Variants in CDH18 observed in about 807,000 individuals in gnomAD.
CDH18 encodes cadherin-18.
A neutral mutation model predicts 67.9 loss-of-function variants in CDH18; 31 were observed. The ratio of observed to expected loss-of-function variants is 0.46; its 90% CI spans 0.34 to 0.62. CDH18 has a LOEUF of 0.62. CDH18 is among the 20% of genes least tolerant of loss of function. CDH18 has a pLI of 0.01. For synonymous variants in CDH18, 362 were observed against 347.2 expected (o/e 1.04, Z -0.48); for missense variants, 890 against 975.5 (o/e 0.91, Z 1.17).
At chr5:19,774,420 A>ATAAAGT (rs1477193577) in intron 3 of CDH18, among the ~76,000 whole-genome samples, 7 of 98,860 alleles carry the variant, frequency 7.1e-5, no homozygotes, top group Non-Finnish European at 2.0e-5. Flanking sequence ...CAAAAATAAA[A>ATAAAGT]TAAAATTAAA....
chr5:20,085,885 G>A (rs1041853567), intron 2 of CDH18, among the ~76,000 whole-genome samples: 1 of 152,172 alleles, frequency 6.6e-6, no homozygotes, highest in African/African-American at 2.4e-5. Context: ...ATACTAATTA[G>A]TAATCCTAAA....
chr5:19,782,823 A>G (rs1401411812), intron 3 of CDH18, among the ~76,000 whole-genome samples: 1 of 152,196 alleles, frequency 6.6e-6, no homozygotes, highest in East Asian at 1.9e-4. Context: ...AAAACTCTGC[A>G]TGGAGAAGAC....
chr5:20,346,711 A>G (rs990834458), intron 1 of CDH18, among the ~76,000 whole-genome samples: 17 of 152,236 alleles, frequency 1.1e-4, no homozygotes, highest in African/African-American at 3.8e-4. Flanking sequence ...CCCATTAAGA[A>G]CGTACCAAAC....
intron 1 of CDH18, chr5:20,304,443 C>T: frequency 6.6e-7 from 1 of 1,506,152 alleles, no homozygotes; most frequent in Admixed American, 1.7e-5. Context: ...TCTTCTTCAT[C>T]TCCACCTTTG....
intron 2 of CDH18, among the ~76,000 whole-genome samples, chr5:20,090,067 C>T (rs935448083): frequency 6.6e-6 from 1 of 151,984 alleles, no homozygotes; most frequent in African/African-American, 2.4e-5. Context: ...GAGGGTATGA[C>T]AATTTCACAT....
At chr5:20,464,423 G>C (rs542341652) in intron 1 of CDH18, among the ~76,000 whole-genome samples, 4 of 151,716 alleles carry the variant, frequency 2.6e-5, no homozygotes, top group African/African-American at 9.7e-5. Flanking sequence ...CTTGGAAATA[G>C]TAAGATTTTG....
chr5:20,317,151 T>A (rs1325496901), intron 1 of CDH18, among the ~76,000 whole-genome samples: 1 of 152,082 alleles, frequency 6.6e-6, no homozygotes, highest in Non-Finnish European at 1.5e-5. Flanking sequence ...CCTTTAGAAT[T>A]TTATCTTTTT....
intron 2 of CDH18, among the ~76,000 whole-genome samples, chr5:20,104,004 G>C (rs1746704651): frequency 6.6e-6 from 1 of 151,020 alleles, no homozygotes; most frequent in African/African-American, 2.4e-5. Context: ...TATTGCAATA[G>C]GTATAAATAT....
intron 2 of CDH18, among the ~76,000 whole-genome samples, chr5:20,082,132 T>C (rs1744531642): frequency 6.6e-6 from 1 of 151,642 alleles, no homozygotes; most frequent in Admixed American, 6.6e-5. Flanking sequence ...AACCGATGCA[T>C]TCAAAAAAAA....
intron 1 of CDH18, among the ~76,000 whole-genome samples, chr5:20,539,851 A>G (rs1179672946): frequency 6.6e-6 from 1 of 152,132 alleles, no homozygotes; most frequent in African/African-American, 2.4e-5. Context: ...TTGAGTTTGA[A>G]AATCTCTGTA....
chr5:20,173,292 T>C (rs1056296659), intron 2 of CDH18, among the ~76,000 whole-genome samples: 3 of 152,098 alleles, frequency 2.0e-5, no homozygotes, highest in Non-Finnish European at 2.9e-5. Context: ...TAGAAATGTA[T>C]ACATCAAGGA....
At position 19,626,697 on chromosome 5, in the gene CDH18, A is replaced by AG. The variant is rs1554063445; in HGVS notation, c.644-14097_644-14096insC. ...ACATTCTAGGAAAGGCAGATTAGTG[A>AG]AAAAAAAAAAGATAATTAAATCATA... On this transcript the variant is annotated intron_variant, in intron 5 of 12. Coordinates refer to ENST00000382275, the MANE Select transcript of CDH18 (RefSeq NM_004934.5). 1.8e-4 allele frequency among the ~76,000 whole-genome samples: 21 copies of AG among 119,830 alleles called. 1 individual carries two copies. In the South Asian group the frequency reaches 4.8e-3, roughly 27 times the overall value. 78.6% of individuals were successfully genotyped at this position (119,830 alleles called of 152,430 possible).
intron 5 of CDH18, among the ~76,000 whole-genome samples, chr5:19,658,212 A>G (rs547811325): frequency 1.3e-5 from 2 of 152,208 alleles, no homozygotes; most frequent in East Asian, 1.9e-4. Context: ...TCCTTTTTAT[A>G]TGTAACATAA....
chr5:19,784,487 C>G (rs1184117794), intron 3 of CDH18, among the ~76,000 whole-genome samples: 1 of 152,124 alleles, frequency 6.6e-6, no homozygotes, highest in Admixed American at 6.5e-5. Flanking sequence ...AGGCATGCCA[C>G]TTTTTTAAAA....
chr5:20,317,660 C>G (rs1302656519), intron 1 of CDH18, among the ~76,000 whole-genome samples: 1 of 152,006 alleles, frequency 6.6e-6, no homozygotes, highest in East Asian at 1.9e-4. Flanking sequence ...AAATTATGTT[C>G]AACATAAGCT....
At chr5:20,208,261 C>T (rs894527692) in intron 2 of CDH18, among the ~76,000 whole-genome samples, 1 of 152,076 alleles carries the variant, frequency 6.6e-6, no homozygotes, top group Non-Finnish European at 1.5e-5. Context: ...ATAAAACCGT[C>T]AGATCTTGTG....
chr5:19,607,595 C>A (rs1461688250), intron 6 of CDH18, among the ~76,000 whole-genome samples: 1 of 150,852 alleles, frequency 6.6e-6, no homozygotes, highest in African/African-American at 2.4e-5. Context: ...AAAGATTAGC[C>A]AAATAGCAAA....
intron 2 of CDH18, among the ~76,000 whole-genome samples, chr5:20,088,670 T>C (rs758877966): frequency 6.6e-6 from 1 of 152,140 alleles, no homozygotes; most frequent in East Asian, 1.9e-4. Context: ...ATTTCTGGAC[T>C]CCCTCTTCTG....
At chr5:20,542,509 G>A (rs1379820798) in intron 1 of CDH18, among the ~76,000 whole-genome samples, 4 of 151,148 alleles carry the variant, frequency 2.6e-5, no homozygotes, top group Non-Finnish European at 5.9e-5. Flanking sequence ...TATATATATT[G>A]TGCGTATGCA....
Sources: gnomAD v4.1 joint callset for allele counts (sites outside exome capture counted in the v4.1 genomes callset) on GRCh38, gnomAD v4.1.1 for gene constraint, MANE v1.5 for transcripts, NCBI Gene and HGNC (gene_info 2026-07-23, HGNC 2026-07-21) for gene names.